Variants in LARP1 observed in about 807,000 individuals in gnomAD.
LARP1 encodes La ribonucleoprotein 1, translational regulator, also known as la-related protein 1.
A neutral mutation model predicts 122.7 loss-of-function variants in LARP1; 36 were observed. That is an observed-to-expected ratio of 0.29 (90% confidence interval 0.22 to 0.39). LARP1 has a LOEUF of 0.39. Among genes scored for constraint, LARP1 ranks in the 10% least tolerant of loss-of-function variants. The probability of loss-of-function intolerance (pLI) is 1.00; values close to 1 mark genes in which losing one functional copy is unlikely to be tolerated. For missense variants in LARP1, 1,040 were observed against 1,403.6 expected, an observed-to-expected ratio of 0.74 and a Z score of 4.14; for synonymous variants, 539 against 528.7, an observed-to-expected ratio of 1.02 and a Z score of -0.27.
chr5:154,756,937 G>C (rs1326936069), intron 1 of LARP1, among the ~76,000 whole-genome samples: 1 of 151,136 alleles, frequency 6.6e-6, no homozygotes, highest in Non-Finnish European at 1.5e-5. Flanking sequence ...GGCCTGCGGC[G>C]ACTTGAGGGG....
At chr5:154,742,776 G>A (rs550124269) in intron 1 of LARP1, among the ~76,000 whole-genome samples, 25 of 151,616 alleles carry the variant, frequency 1.6e-4, no homozygotes, top group Non-Finnish European at 5.9e-5. Context: ...ATAGTTTCTA[G>A]GATGGGAAGA....
chr5:154,759,634 C>G (rs1304429989), intron 1 of LARP1, among the ~76,000 whole-genome samples: 1 of 152,164 alleles, frequency 6.6e-6, no homozygotes, highest in African/African-American at 2.4e-5. Flanking sequence ...TTTGCTGTGG[C>G]TGGTGCACAT....
intron 1 of LARP1, among the ~76,000 whole-genome samples, chr5:154,762,257 A>AC (rs1394846951): frequency 6.6e-6 from 1 of 152,124 alleles, no homozygotes; most frequent in Non-Finnish European, 1.5e-5. Flanking sequence ...ACAAAACAAA[A>AC]AAACCAAAAA....
chr5:154,690,589 C>G (rs1754146310), intron 1 of LARP1, among the ~76,000 whole-genome samples: 1 of 152,210 alleles, frequency 6.6e-6, no homozygotes, highest in Admixed American at 6.5e-5. Context: ...CCGCCCGGCC[C>G]CAGAGCGAGA....
chr5:154,787,069 G>T (rs1342928942), intron 1 of LARP1, among the ~76,000 whole-genome samples: 1 of 152,064 alleles, frequency 6.6e-6, no homozygotes, highest in Non-Finnish European at 1.5e-5. Context: ...AGTAGAGATG[G>T]GGTTTCTCCA....
chr5:154,685,374 G>A (rs142669583), intron 1 of LARP1, among the ~76,000 whole-genome samples: 90 of 152,186 alleles, frequency 5.9e-4, no homozygotes, highest in African/African-American at 2.0e-3. Flanking sequence ...CACCTATTAG[G>A]TCCTTTGGCC....
chr5:154,703,120 CAAA>C (rs757446137), intron 1 of LARP1, among the ~76,000 whole-genome samples: 1,278 of 38,834 alleles, frequency 0.033, 31 homozygotes, highest in African/African-American at 0.095. Context: ...GACGCTGTCT[CAAA>C]AAAAAAAAAA....
intron 1 of LARP1, among the ~76,000 whole-genome samples, chr5:154,727,554 AGGATTCAGTTTAAGG>A (rs1756300033): frequency 6.6e-6 from 1 of 152,142 alleles, no homozygotes; most frequent in South Asian, 2.1e-4. Flanking sequence ...GTTAGATGGG[AGGATTCAGTTTAAGG>A]AATCTATTAC....
chr5:154,719,861 CAA>C (rs11291255), intron 1 of LARP1, among the ~76,000 whole-genome samples: 407 of 122,072 alleles, frequency 3.3e-3, no homozygotes, highest in Middle Eastern at 8.5e-3. Context: ...GACTCTGTCT[CAA>C]AAAAAAAAAA....
At chr5:154,738,095 C>A (rs1757012337) in intron 1 of LARP1, among the ~76,000 whole-genome samples, 1 of 152,174 alleles carries the variant, frequency 6.6e-6, no homozygotes, top group African/African-American at 2.4e-5. Context: ...AAGTCACACG[C>A]CCTCAGCTCC....
chr5:154,721,661 A>G (rs1371515536), intron 1 of LARP1, among the ~76,000 whole-genome samples: 8 of 152,322 alleles, frequency 5.3e-5, no homozygotes, highest in African/African-American at 1.9e-4. Flanking sequence ...TCAACATCCT[A>G]GTTCTGCTGC....
At chr5:154,743,642 C>T (rs1321118005) in intron 1 of LARP1, among the ~76,000 whole-genome samples, 1 of 142,220 alleles carries the variant, frequency 7.0e-6, no homozygotes, top group Non-Finnish European at 1.5e-5. Context: ...TGTTTAGAGA[C>T]AGAGTCTCGC....
intron 1 of LARP1, among the ~76,000 whole-genome samples, chr5:154,785,669 G>A (rs956702820): frequency 7.2e-5 from 11 of 152,120 alleles, no homozygotes; most frequent in African/African-American, 2.7e-4. Context: ...ACTTTCCTAG[G>A]TGGTCTTTGA....
At chr5:154,760,461 C>T (rs933197948) in intron 1 of LARP1, among the ~76,000 whole-genome samples, 9 of 152,106 alleles carry the variant, frequency 5.9e-5, no homozygotes, top group Non-Finnish European at 1.2e-4. Context: ...TTTGTATTTG[C>T]GTTGTGATTA....
chr5:154,730,674 A>G (rs2113400156), intron 1 of LARP1, among the ~76,000 whole-genome samples: 1 of 152,010 alleles, frequency 6.6e-6, no homozygotes, highest in East Asian at 1.9e-4. Context: ...AGGTTTCACC[A>G]TGTTGGCCAG....
At chr5:154,806,074 T>A (rs750156701) in intron 15 of LARP1, 42 bp downstream of exon 15, 1 of 1,600,796 alleles carries the variant, frequency 6.2e-7, no homozygotes, top group Non-Finnish European at 8.5e-7. Context: ...CTGGGCCCGT[T>A]ATTTAGACCC....
chr5:154,789,548 C>T (rs1045816723), intron 1 of LARP1, among the ~76,000 whole-genome samples: 6 of 152,072 alleles, frequency 3.9e-5, no homozygotes, highest in South Asian at 2.1e-4. Flanking sequence ...TTATTGTGTC[C>T]GTCATTTTAT....
At chr5:154,799,845 A>C (rs1408700767) in intron 9 of LARP1, 28 bp from the exon 10 acceptor site, 2 of 1,611,676 alleles carry the variant, frequency 1.2e-6, no homozygotes, top group Admixed American at 1.7e-5. Flanking sequence ...GACTGGAGGG[A>C]TGAGGACTTC....
chr5:154,798,350 C>T (rs995339384), intron 8 of LARP1, among the ~76,000 whole-genome samples: 20 of 152,188 alleles, frequency 1.3e-4, no homozygotes, highest in Admixed American at 1.1e-3. Flanking sequence ...TGGAAATATA[C>T]AACACATGGC....
Sources: allele counts gnomAD v4.1 joint callset (sites outside exome capture counted in the v4.1 genomes callset), GRCh38; gene constraint gnomAD v4.1.1; transcripts MANE v1.5; gene names NCBI Gene and HGNC (gene_info 2026-07-23, HGNC 2026-07-21).